PTPRO: variants seen among roughly 807,000 people sequenced by gnomAD.
The protein encoded by PTPRO is protein tyrosine phosphatase receptor type O.
Under a neutral mutation model 145.2 loss-of-function variants are expected in PTPRO, and 62 were observed. The ratio of observed to expected loss-of-function variants is 0.43; its 90% CI spans 0.35 to 0.53. The LOEUF is 0.53. Among genes scored for constraint, PTPRO ranks in the 20% least tolerant of loss-of-function variants. The pLI is 0.01. For synonymous variants in PTPRO, 565 were observed against 514.7 expected, an observed-to-expected ratio of 1.10 and a Z score of -1.32; for missense variants, 1,345 against 1,482.7, an observed-to-expected ratio of 0.91 and a Z score of 1.53.
intron 2 of PTPRO, among the ~76,000 whole-genome samples, chr12:15,493,139 T>C (rs1048613145): frequency 2.0e-5 from 3 of 152,186 alleles, no homozygotes; most frequent in Admixed American, 2.0e-4. Context: ...ACTATTCTAC[T>C]GACAGAAGTC....
At chr12:15,541,093 C>T (rs1345264768) in intron 12 of PTPRO, among the ~76,000 whole-genome samples, 1 of 152,144 alleles carries the variant, frequency 6.6e-6, no homozygotes, top group African/African-American at 2.4e-5. Context: ...TAGGTACTCA[C>T]ACCAAATATC....
At chr12:15,415,416 G>T (rs927289839) in intron 1 of PTPRO, among the ~76,000 whole-genome samples, 2 of 146,220 alleles carry the variant, frequency 1.4e-5, no homozygotes, top group East Asian at 2.0e-4. Context: ...ATGGAGTCTC[G>T]CTCTGTCGCC....
At chr12:15,402,176 C>A (rs1939513298) in intron 1 of PTPRO, among the ~76,000 whole-genome samples, 1 of 151,908 alleles carries the variant, frequency 6.6e-6, no homozygotes. Context: ...GATCATGAGG[C>A]CAGGAGATCG....
intron 18 of PTPRO, among the ~76,000 whole-genome samples, chr12:15,567,801 G>C (rs1232709182): frequency 6.6e-6 from 1 of 152,126 alleles, no homozygotes; most frequent in African/African-American, 2.4e-5. Flanking sequence ...ATTCCAGTGA[G>C]AATTCTACTG....
intron 1 of PTPRO, among the ~76,000 whole-genome samples, chr12:15,457,950 T>G (rs1039366336): frequency 9.8e-5 from 15 of 152,298 alleles, no homozygotes; most frequent in African/African-American, 3.6e-4. Flanking sequence ...CACCAGAAAT[T>G]TTTGTACTTC....
chr12:15,515,712 T>G (rs1942562910), intron 8 of PTPRO, 94 bp downstream of exon 8: 4 of 1,527,470 alleles, frequency 2.6e-6, no homozygotes, highest in East Asian at 2.3e-5. Context: ...ATCATCGTAT[T>G]TGGAAGGTCC....
chr12:15,373,048 G>A (rs1353202525), intron 1 of PTPRO, among the ~76,000 whole-genome samples: 1 of 152,102 alleles, frequency 6.6e-6, no homozygotes, highest in Non-Finnish European at 1.5e-5. Flanking sequence ...AGCAATTAGT[G>A]TTTCCAGATG....
chr12:15,343,548 C>T (rs868001580), intron 1 of PTPRO, among the ~76,000 whole-genome samples: 13 of 152,160 alleles, frequency 8.5e-5, no homozygotes, highest in Middle Eastern at 3.4e-3. Context: ...ATTACCTGGG[C>T]ATGGTGGCTC....
chr12:15,557,288 C>T (rs1943658352), intron 15 of PTPRO, among the ~76,000 whole-genome samples, 167 bp from the exon 16 acceptor site: 1 of 152,192 alleles, frequency 6.6e-6, no homozygotes, highest in Admixed American at 6.5e-5. Flanking sequence ...CCTCGGCCTC[C>T]CAAAGTACTG....
intron 2 of PTPRO, among the ~76,000 whole-genome samples, chr12:15,488,373 T>G (rs961408719): frequency 2.6e-5 from 4 of 152,170 alleles, no homozygotes; most frequent in Non-Finnish European, 5.9e-5. Flanking sequence ...TGAGCTGGCA[T>G]TTGGTGACAT....
At chr12:15,517,098 G>A in intron 9 of PTPRO, 142 bp downstream of exon 9, 2 of 848,496 alleles carry the variant, frequency 2.4e-6, no homozygotes, top group Non-Finnish European at 1.9e-6. Flanking sequence ...TCACACTGCT[G>A]ATAAAGAAAT....
chr12:15,430,448 G>GA (rs906691399), intron 1 of PTPRO, among the ~76,000 whole-genome samples: 1 of 151,986 alleles, frequency 6.6e-6, no homozygotes, highest in African/African-American at 2.4e-5. Context: ...AGGGCTGAAA[G>GA]AAAAAATTGA....
intron 7 of PTPRO, among the ~76,000 whole-genome samples, chr12:15,513,480 G>C (rs552747981): frequency 6.6e-6 from 1 of 152,188 alleles, no homozygotes; most frequent in African/African-American, 2.4e-5. Context: ...GTTTAAGTCA[G>C]TGGGAAATAA....
chr12:15,439,346 T>C (rs1940691317), intron 1 of PTPRO, among the ~76,000 whole-genome samples: 1 of 152,132 alleles, frequency 6.6e-6, no homozygotes, highest in Non-Finnish European at 1.5e-5. Flanking sequence ...CTGCAGACCA[T>C]ATAAAGCAAC....
In PTPRO at chr12:15,367,346, C is replaced by A. The variant is rs142903101; in HGVS notation, c.75+44545C>A. Among the ~76,000 whole-genome samples, 521 of 152,130 alleles carry A rather than the reference C, an allele frequency of 3.4e-3. 4 individuals are homozygous for A. Among genetic ancestry groups the A allele is most frequent in the African/African-American group, 0.012 (480 of 41,528 alleles). ...GAAAGAGTTTAAAAATTGGCATGAGCCTGATGAATGGAAAAAAGAGGGAAG... is the reference window on the plus strand; with the variant it reads ...GAAAGAGTTTAAAAATTGGCATGAGACTGATGAATGGAAAAAAGAGGGAAG... On this transcript the variant is annotated intron_variant, in intron 1 of 26. Coordinates refer to ENST00000281171, the MANE Select transcript of PTPRO (RefSeq NM_030667.3).
chr12:15,546,387 T>C (rs1019849846), intron 12 of PTPRO, 182 bp from the exon 13 acceptor site: 1 of 1,432,508 alleles, frequency 7.0e-7, no homozygotes, highest in Non-Finnish European at 9.1e-7. Flanking sequence ...GGCAAAGTAT[T>C]CTGCCTTCCA....
chr12:15,349,786 C>T (rs932745419), intron 1 of PTPRO, among the ~76,000 whole-genome samples: 1 of 152,028 alleles, frequency 6.6e-6, no homozygotes, highest in African/African-American at 2.4e-5. Flanking sequence ...TATAAGAAGA[C>T]AGAAAGAGAG....
rs956511489 is a variant in PTPRO, at chr12:15,526,240, C to A, written c.2142C>A (p.Ser714=). 7 of 1,613,866 alleles carry A rather than the reference C, an allele frequency of 4.3e-6. No homozygotes were observed. The African/African-American group carries it at 9.3e-5, about 22-fold the overall frequency. Reference sequence around the variant, plus strand: ...GTACTGAAAGAGGAAGTAATACCTCCATGCTCCGCCTTGTCAAGCTAGGTA... The same window carrying A: ...GTACTGAAAGAGGAAGTAATACCTCAATGCTCCGCCTTGTCAAGCTAGGTA... ...TACTERGSNT[S]MLRLVKLEPA... is the part of the protein sequence containing the mutation. The change falls in exon 12 of 27, where the codon TCC becomes TCA. Residue 714 remains serine (S), a synonymous_variant. Transcript: ENST00000281171.
In PTPRO at chr12:15,524,838, C is replaced by T; in HGVS notation, c.1916C>T (p.Ser639Phe). The part of the protein sequence containing the change: ...ITAPVAPEIT[S>F]VEYFNSLLYI... ...GCCCCAGTGGCTCCGGAAATCACTT[C>T]TGTGGAATATTTCAACAGTCTGTTA... is the stretch of plus-strand genomic sequence containing the variant. Residue 639 changes from serine (S) to phenylalanine (F), a missense_variant, in exon 11 of 27, where the codon TCT becomes TTT. Transcript: ENST00000281171. The T allele has an allele frequency of 6.2e-7, 1 of 1,613,652 alleles. No homozygotes were observed. The highest frequency in any genetic ancestry group is 8.5e-7 in the Non-Finnish European group (1 of 1,179,626).
Sources: allele counts gnomAD v4.1 joint callset (sites outside exome capture counted in the v4.1 genomes callset), GRCh38; gene constraint gnomAD v4.1.1; transcripts MANE v1.5; gene names NCBI Gene and HGNC (gene_info 2026-07-23, HGNC 2026-07-21).